PDE4D: variants seen among roughly 807,000 people sequenced by gnomAD.
PDE4D encodes the protein 3',5'-cyclic-AMP phosphodiesterase 4D.
PDE4D carries 24 observed loss-of-function variants against 87.4 expected under a neutral mutation model. The ratio of observed to expected loss-of-function variants is 0.27; its 90% CI spans 0.20 to 0.39. PDE4D has a LOEUF of 0.39. Ranked by LOEUF, PDE4D falls within the 10% of genes least tolerant of loss-of-function variation. The pLI is 1.00. For missense variants in PDE4D, 714 were observed against 1,041.0 expected (o/e 0.69, Z 4.32); for synonymous variants, 384 against 383.2 (o/e 1.00, Z -0.02).
At chr5:59,119,250 G>C (rs1774098930) in intron 5 of PDE4D, among the ~76,000 whole-genome samples, 1 of 152,002 alleles carries the variant, frequency 6.6e-6, no homozygotes, top group Non-Finnish European at 1.5e-5. Flanking sequence ...ACAGATCCAG[G>C]AATCTTTCTA....
chr5:59,083,346 G>A (rs780024491), intron 5 of PDE4D, among the ~76,000 whole-genome samples: 12 of 151,500 alleles, frequency 7.9e-5, no homozygotes, highest in South Asian at 2.1e-4. Context: ...TTCCTTGTTC[G>A]GTGTTGGATG....
chr5:59,895,947 A>G (rs1297743903), upstream of PDE4D, among the ~76,000 whole-genome samples: 1 of 152,160 alleles, frequency 6.6e-6, no homozygotes, highest in Non-Finnish European at 1.5e-5. Context: ...TTTTGTTTTT[A>G]CTATGTAATT....
chr5:59,742,262 C>T (rs1758961711), intron 1 of PDE4D, among the ~76,000 whole-genome samples: 1 of 152,122 alleles, frequency 6.6e-6, no homozygotes, highest in African/African-American at 2.4e-5. Context: ...CGGGGTTTCA[C>T]CATGTTGGTC....
chr5:59,620,172 A>G (rs543266323), intron 1 of PDE4D, among the ~76,000 whole-genome samples: 33 of 152,312 alleles, frequency 2.2e-4, no homozygotes, highest in African/African-American at 7.5e-4. Context: ...CACAAGGCTG[A>G]CTAGAGAAAT....
intron 1 of PDE4D, among the ~76,000 whole-genome samples, chr5:59,602,750 A>G (rs1827691982): frequency 1.3e-5 from 2 of 152,272 alleles, no homozygotes; most frequent in South Asian, 4.1e-4. Flanking sequence ...AGCAAAAAGA[A>G]CAATGCCAAA....
intron 2 of PDE4D, among the ~76,000 whole-genome samples, chr5:60,118,316 A>G (rs1778352183): frequency 6.6e-6 from 1 of 152,156 alleles, no homozygotes; most frequent in African/African-American, 2.4e-5. Context: ...AGGTTTACTT[A>G]TGCTGACTGT....
rs553226575 is a variant in PDE4D at position 60,439,684 on chromosome 5, G to A, written c.-90+48258C>T. Reference sequence around the variant, plus strand: ...CCCTAACATTTCTTCAGCAAATCCTGTCCATTCTACTTTCAAAATAAATCT... The same window carrying A: ...CCCTAACATTTCTTCAGCAAATCCTATCCATTCTACTTTCAAAATAAATCT... On this transcript the variant is annotated intron_variant, in intron 1 of 16. Transcript: ENST00000502484. Among the ~76,000 whole-genome samples, 7 of 152,062 alleles carry A rather than the reference G, an allele frequency of 4.6e-5. No homozygotes were observed. The South Asian group carries it at 1.5e-3, about 32-fold the overall frequency.
At chr5:59,773,960 G>A (rs536488557) in intron 1 of PDE4D, among the ~76,000 whole-genome samples, 1 of 152,170 alleles carries the variant, frequency 6.6e-6, no homozygotes, top group Non-Finnish European at 1.5e-5. Flanking sequence ...GGTGCCTTCT[G>A]GGTTAAAAGG....
intron 1 of PDE4D, among the ~76,000 whole-genome samples, chr5:59,417,892 G>T (rs1400129729): frequency 6.6e-6 from 1 of 152,130 alleles, no homozygotes; most frequent in Non-Finnish European, 1.5e-5. Flanking sequence ...ACCATTCCAC[G>T]TTAGGCCCTA....
intron 2 of PDE4D, among the ~76,000 whole-genome samples, chr5:60,059,070 G>GTGTGTGTGTGTGTC (rs1220816186): frequency 6.6e-6 from 1 of 151,436 alleles, no homozygotes; most frequent in Non-Finnish European, 1.5e-5. Flanking sequence ...GTGTGTGTGT[G>GTGTGTGTGTGTGTC]TGTCTGTATT....
intron 2 of PDE4D, among the ~76,000 whole-genome samples, chr5:60,061,415 C>T (rs574514822): frequency 6.6e-6 from 1 of 152,200 alleles, no homozygotes; most frequent in African/African-American, 2.4e-5. Flanking sequence ...CAAACCACTG[C>T]TCAAGGAAAT....
intron 1 of PDE4D, among the ~76,000 whole-genome samples, chr5:60,377,517 A>T (rs1363507021): frequency 6.6e-6 from 1 of 152,184 alleles, no homozygotes; most frequent in East Asian, 1.9e-4. Flanking sequence ...GCCAAAACAG[A>T]CAACAGGGCC....
chr5:60,388,919 T>C (rs1762383724), intron 1 of PDE4D, among the ~76,000 whole-genome samples: 1 of 152,242 alleles, frequency 6.6e-6, no homozygotes, highest in South Asian at 2.1e-4. Flanking sequence ...ATATTCATTG[T>C]GTACCTCTTA....
chr5:59,392,952 G>A (rs189713172), intron 1 of PDE4D, among the ~76,000 whole-genome samples: 4 of 152,188 alleles, frequency 2.6e-5, no homozygotes, highest in African/African-American at 7.2e-5. Context: ...CCTATGTGAT[G>A]TGAACTCAGC....
chr5:59,091,937 T>C (rs1768825993), intron 5 of PDE4D, among the ~76,000 whole-genome samples: 1 of 152,160 alleles, frequency 6.6e-6, no homozygotes, highest in Non-Finnish European at 1.5e-5. Context: ...AGCATCTCCT[T>C]AAATGACATG....
chr5:59,165,284 T>C (rs1781754032), intron 5 of PDE4D, among the ~76,000 whole-genome samples: 1 of 152,332 alleles, frequency 6.6e-6, no homozygotes, highest in Admixed American at 6.5e-5. Flanking sequence ...AATATCTTTT[T>C]TTTTCCTAAG....
chr5:59,081,742 C>T (rs1766814352), intron 5 of PDE4D, among the ~76,000 whole-genome samples: 1 of 152,092 alleles, frequency 6.6e-6, no homozygotes, highest in African/African-American at 2.4e-5. Context: ...TAATGGTCCT[C>T]TATAGTATAA....
chr5:60,484,372 G>T (rs1451888996), intron 1 of PDE4D, among the ~76,000 whole-genome samples: 2 of 152,064 alleles, frequency 1.3e-5, no homozygotes, highest in Non-Finnish European at 2.9e-5. Flanking sequence ...TAACCAACAG[G>T]AACATTCATC....
In PDE4D at chr5:59,105,228, G is replaced by T. The variant is rs561013859; in HGVS notation, c.809-66257C>A. The stretch of plus-strand genomic sequence containing the variant: ...CTGCTGGGTCTATTATGAGAAACCG[G>T]GGCAGCAAAATTCTGCCTTAGGAAC... On this transcript the variant is annotated intron_variant, in intron 5 of 14. Coordinates refer to ENST00000340635, the MANE Select transcript of PDE4D (RefSeq NM_001104631.2). Among the ~76,000 whole-genome samples the T allele has an allele frequency of 1.0e-3, 153 of 152,230 alleles. 2 individuals are homozygous for T. The highest frequency in any genetic ancestry group is 3.7e-3 in the African/African-American group (152 of 41,538).
Sources: gnomAD v4.1 joint callset for allele counts (sites outside exome capture counted in the v4.1 genomes callset) on GRCh38, gnomAD v4.1.1 for gene constraint, MANE v1.5 for transcripts, NCBI Gene and HGNC (gene_info 2026-07-23, HGNC 2026-07-21) for gene names.